The following ASIC2 variants were observed in gnomAD, a reference collection of about 807,000 sequenced individuals.
ASIC2 encodes acid sensing ion channel subunit 2.
ASIC2 carries 25 observed loss-of-function variants against 57.3 expected under a neutral mutation model. The observed-to-expected ratio is 0.44, with a 90% CI of 0.32 to 0.61. The LOEUF (loss-of-function observed/expected upper bound fraction) is 0.61. Among genes scored for constraint, ASIC2 ranks in the 20% least tolerant of loss-of-function variants. ASIC2 has a pLI of 0.06. For synonymous variants in ASIC2, 319 were observed against 307.5 expected, an observed-to-expected ratio of 1.04 and a Z score of -0.39; for missense variants, 641 against 738.1, an observed-to-expected ratio of 0.87 and a Z score of 1.52.
chr17:33,684,588 G>A (rs758165019), intron 1 of ASIC2, among the ~76,000 whole-genome samples: 1 of 152,220 alleles, frequency 6.6e-6, no homozygotes, highest in Admixed American at 6.5e-5. Flanking sequence ...TAGACATTAC[G>A]GTTCTTCTTT....
At chr17:33,387,195 T>A (rs751562230) in intron 1 of ASIC2, among the ~76,000 whole-genome samples, 1 of 152,176 alleles carries the variant, frequency 6.6e-6, no homozygotes, top group Non-Finnish European at 1.5e-5. Flanking sequence ...GTCATTTACA[T>A]GCATTCTTTC....
intron 1 of ASIC2, among the ~76,000 whole-genome samples, chr17:33,852,659 G>A (rs1913803578): frequency 6.6e-6 from 1 of 151,416 alleles, no homozygotes; most frequent in Non-Finnish European, 1.5e-5. Context: ...TGATTGCAAA[G>A]CCATCTTTCT....
At chr17:33,609,624 T>C (rs1180293829) in intron 1 of ASIC2, among the ~76,000 whole-genome samples, 1 of 152,220 alleles carries the variant, frequency 6.6e-6, no homozygotes, top group African/African-American at 2.4e-5. Flanking sequence ...TCACTGATTT[T>C]ATCATAGCTT....
At chr17:33,691,946 A>T (rs2142064163) in intron 1 of ASIC2, among the ~76,000 whole-genome samples, 1 of 152,324 alleles carries the variant, frequency 6.6e-6, no homozygotes, top group South Asian at 2.1e-4. Context: ...GTGCACTAAC[A>T]TGAACCCAGA....
intron 1 of ASIC2, among the ~76,000 whole-genome samples, chr17:33,167,935 CT>C (rs537305464): frequency 1.6e-3 from 248 of 152,318 alleles, no homozygotes; most frequent in African/African-American, 5.8e-3. Flanking sequence ...ATTTAATTGC[CT>C]TTGGAACAAT....
At chr17:33,518,909 C>T (rs950388111) in intron 1 of ASIC2, among the ~76,000 whole-genome samples, 10 of 152,042 alleles carry the variant, frequency 6.6e-5, no homozygotes, top group African/African-American at 2.4e-4. Flanking sequence ...CAAGCTCCGC[C>T]TTCCGGGTTC....
At chr17:33,675,920 AT>A (rs1157325462) in intron 1 of ASIC2, among the ~76,000 whole-genome samples, 5 of 152,300 alleles carry the variant, frequency 3.3e-5, no homozygotes, top group South Asian at 4.1e-4. Flanking sequence ...CAGATAATGC[AT>A]TTTTTACAAA....
At chr17:33,737,100 T>A (rs1422767797) in intron 1 of ASIC2, among the ~76,000 whole-genome samples, 1 of 152,268 alleles carries the variant, frequency 6.6e-6, no homozygotes, top group Admixed American at 6.5e-5. Flanking sequence ...ACACTGACAT[T>A]GTTTCCAAGT....
At chr17:34,109,043 T>A (rs1210567685) in intron 1 of ASIC2, among the ~76,000 whole-genome samples, 19 of 27,924 alleles carry the variant, frequency 6.8e-4, no homozygotes, top group Admixed American at 2.7e-3. Flanking sequence ...TATTTTATTT[T>A]ATTTTATTTT....
At chr17:34,051,858 C>CACACACACACAT (rs1567801884) in intron 1 of ASIC2, 2 of 54,670 alleles carry the variant, frequency 3.7e-5, no homozygotes, top group African/African-American at 3.4e-4. Flanking sequence ...TACACACACA[C>CACACACACACAT]AGAGAGAGAG....
chr17:34,060,797 A>T (rs1908942781), intron 1 of ASIC2, among the ~76,000 whole-genome samples: 2 of 152,176 alleles, frequency 1.3e-5, no homozygotes, highest in Non-Finnish European at 2.9e-5. Context: ...CAACAAAGAC[A>T]AAGAGAAAAG....
chr17:33,977,947 G>A (rs1406451157), intron 1 of ASIC2, among the ~76,000 whole-genome samples: 1 of 152,194 alleles, frequency 6.6e-6, no homozygotes, highest in East Asian at 1.9e-4. Flanking sequence ...AAGCAGCCTT[G>A]CCAGCTCATG....
chr17:33,277,128 T>C (rs1445598916), intron 1 of ASIC2, among the ~76,000 whole-genome samples: 1 of 152,156 alleles, frequency 6.6e-6, no homozygotes, highest in African/African-American at 2.4e-5. Flanking sequence ...GTTATTGAAG[T>C]TTGAGAAATT....
intron 1 of ASIC2, chr17:34,037,977 G>A: frequency 1.2e-6 from 2 of 1,613,624 alleles, no homozygotes; most frequent in South Asian, 2.2e-5. Flanking sequence ...ATCTTTGGTG[G>A]TTCTTTCCCA....
intron 1 of ASIC2, among the ~76,000 whole-genome samples, chr17:33,366,255 G>A (rs1417501822): frequency 6.6e-6 from 1 of 152,224 alleles, no homozygotes; most frequent in African/African-American, 2.4e-5. Context: ...GAAGTTTTAA[G>A]CTAGTTTTAT....
chr17:34,114,401 T>TGA (rs942440767), intron 1 of ASIC2, among the ~76,000 whole-genome samples: 1 of 151,832 alleles, frequency 6.6e-6, no homozygotes, highest in African/African-American at 2.4e-5. Context: ...TCTGTGAGGG[T>TGA]GAGAGAGAGA....
intron 3 of ASIC2, among the ~76,000 whole-genome samples, chr17:33,086,382 G>A (rs1325327159): frequency 6.6e-6 from 1 of 152,206 alleles, no homozygotes; most frequent in African/African-American, 2.4e-5. Flanking sequence ...CATAGTAGGG[G>A]TAGGTACATT....
At chr17:33,687,641 G>A (rs1462654185) in intron 1 of ASIC2, among the ~76,000 whole-genome samples, 7 of 152,118 alleles carry the variant, frequency 4.6e-5, no homozygotes, top group Non-Finnish European at 7.4e-5. Flanking sequence ...TGGGTGGCAG[G>A]TGCCAAAAGA....
rs371277349 is a variant in ASIC2, at chr17:33,765,113, G to GT, written c.555+390864dup. On this transcript the variant is annotated intron_variant, in intron 1 of 9. Transcript: ENST00000359872. ...ACTTGATGGAGCATAATTGTTTTTT[G>GT]TTTTTTTTTTGAGACGGAGTCTCGC... 2.0e-3 allele frequency among the ~76,000 whole-genome samples: 291 copies of GT among 148,302 alleles called. 2 individuals carry two copies. The highest frequency in any genetic ancestry group is 4.0e-3 in the African/African-American group (163 of 40,580).
Sources: allele counts gnomAD v4.1 joint callset (sites outside exome capture counted in the v4.1 genomes callset), GRCh38; gene constraint gnomAD v4.1.1; transcripts MANE v1.5; gene names NCBI Gene and HGNC (gene_info 2026-07-23, HGNC 2026-07-21).